Variants in PRDM14 observed in about 807,000 individuals in gnomAD.
PRDM14 encodes PR/SET domain 14, also known as PR domain zinc finger protein 14.
PRDM14 carries 16 observed loss-of-function variants against 48.0 expected under a neutral mutation model. That is an observed-to-expected ratio of 0.33 (90% confidence interval 0.23 to 0.51). The LOEUF (loss-of-function observed/expected upper bound fraction) is 0.51. PRDM14 is among the 20% of genes least tolerant of loss of function. The pLI is 0.97. For synonymous variants in PRDM14, 264 were observed against 276.6 expected (o/e 0.95, Z 0.45); for missense variants, 566 against 719.6 (o/e 0.79, Z 2.44).
chr8:70,070,612 G>A (rs1481304132), intron 1 of PRDM14, among the ~76,000 whole-genome samples: 1 of 152,186 alleles, frequency 6.6e-6, no homozygotes, highest in Non-Finnish European at 1.5e-5. Flanking sequence ...TCCCTCGCGG[G>A]CAGCGTCCGC....
chr8:70,055,409 G>A lies in PRDM14; in HGVS notation c.1387-8C>T. 1 of 1,468,316 alleles carries A rather than the reference G, an allele frequency of 6.8e-7. No individual in the cohort carries two copies. Among genetic ancestry groups the A allele is most frequent in the Non-Finnish European group, 9.5e-7 (1 of 1,049,478 alleles). 91.0% of individuals were successfully genotyped at this position (1,468,316 alleles called of 1,614,324 possible). A position where few individuals can be genotyped will look rare whatever the true frequency, so the allele number is the denominator to read the frequency against. On this transcript the variant is annotated splice_polypyrimidine_tract_variant and splice_region_variant and intron_variant, in intron 6 of 7. Transcript: ENST00000276594. ...TTTCCCACATGTAGAACACTAAGGT[G>A]AAAAAGAAAAATATAGTTGAAATCA...
chr8:70,057,726 A>G (rs66783074), intron 6 of PRDM14, among the ~76,000 whole-genome samples: 55,059 of 152,064 alleles, frequency 0.36, 10,438 homozygotes, highest in East Asian at 0.48. Context: ...CACTTTTGCC[A>G]GTCTAATAAG....
intron 5 of PRDM14, among the ~76,000 whole-genome samples, chr8:70,061,510 G>A (rs942103500): frequency 6.6e-6 from 1 of 152,146 alleles, no homozygotes; most frequent in African/African-American, 2.4e-5. Context: ...CCATCGCCCT[G>A]CTCTGTCTAT....
rs369081168 is a variant in PRDM14 at position 70,069,743 on chromosome 8, T to C, written c.118A>G (p.Arg40Gly). The C allele has an allele frequency of 2.5e-6, 4 of 1,603,914 alleles. No individual in the cohort carries two copies. The highest frequency in any genetic ancestry group is 3.4e-6 in the Non-Finnish European group (4 of 1,175,662). Reference protein sequence around the residue: ...YTPFPSYGHYRNSLATVEEDF... With the variant: ...YTPFPSYGHYGNSLATVEEDF... The stretch of plus-strand genomic sequence containing the variant: ...TCCTCCACGGTGGCCAGGCTGTTTC[T>C]GTAGTGTCCATAGGACGGGAAAGGC... The change falls in exon 2 of 8, where the codon AGA (arginine) becomes GGA (glycine). Residue 40 changes from arginine to glycine, a missense_variant. This residue lies in a region of PRDM14 where 410 missense variants were observed against 424.6 expected (regional missense o/e 0.97). Coordinates refer to ENST00000276594, the MANE Select transcript of PRDM14 (RefSeq NM_024504.4).
intron 2 of PRDM14, 96 bp downstream of exon 2, chr8:70,069,065 C>T: frequency 1.0e-6 from 1 of 989,754 alleles, no homozygotes; most frequent in Non-Finnish European, 1.5e-6. Context: ...CACTCTGCAG[C>T]CTCAGCTCCA....
Position 70,066,224 on chromosome 8 carries a change from T to C in PRDM14, c.1183+11A>G, listed in dbSNP as rs7841485. On this transcript the variant is annotated intron_variant, in intron 5 of 7. Coordinates refer to ENST00000276594, the MANE Select transcript of PRDM14 (RefSeq NM_024504.4). ...ATGCCCTCATTGGGCAAGGCGAGGG[T>C]GTGCACTCACCTTCAGAGGGCCCAG... The C allele has an allele frequency of 6.3e-3, 10,156 of 1,611,948 alleles. 543 individuals are homozygous for C. The African/African-American group carries it at 0.12, about 19-fold the overall frequency.
intron 5 of PRDM14, among the ~76,000 whole-genome samples, chr8:70,059,888 G>C (rs1053336782): frequency 1.3e-5 from 2 of 151,868 alleles, no homozygotes; most frequent in African/African-American, 4.8e-5. Flanking sequence ...GAGGTCAGGG[G>C]TTCAAAACCA....
At chr8:70,070,464 CCCCCGGGCAGGTCCAGGGA>C (rs960252566) in intron 1 of PRDM14, among the ~76,000 whole-genome samples, 12 of 152,150 alleles carry the variant, frequency 7.9e-5, no homozygotes, top group Non-Finnish European at 1.5e-4. Context: ...GCTCCCAGAG[CCCCCGGGCAGGTCCAGGGA>C]CCCCGCGACC....
intron 7 of PRDM14, among the ~76,000 whole-genome samples, chr8:70,053,637 A>G (rs1016094722): frequency 2.6e-5 from 4 of 152,056 alleles, no homozygotes; most frequent in African/African-American, 9.7e-5. Flanking sequence ...TGATCCACCC[A>G]CCTTGGCCTC....
At position 70,058,836 on chromosome 8, in the gene PRDM14, G is replaced by A; in HGVS notation, c.1190C>T (p.Ala397Val). 1 of 1,613,038 alleles carries A rather than the reference G, an allele frequency of 6.2e-7. No individual in the cohort carries two copies. Among genetic ancestry groups the A allele is most frequent in the Non-Finnish European group, 8.5e-7 (1 of 1,179,082 alleles). The change falls in exon 6 of 8, where the codon GCA (alanine) becomes GTA (valine). Residue 397 changes from alanine to valine, a missense_variant. Transcript: ENST00000276594. Reference protein sequence around the residue: ...KQPSGPSEESAEGYRCERCGK... With the variant: ...KQPSGPSEESVEGYRCERCGK... ...ACATCTTTCACATCTGTAGCCTTCT[G>A]CAGACTCTGTCAAACACAGCAAACA...
chr8:70,069,961 C>A, intron 1 of PRDM14, 77 bp from the exon 2 acceptor site: 1 of 821,572 alleles, frequency 1.2e-6, no homozygotes, highest in Non-Finnish European at 1.9e-6. Context: ...CCACCAGCCT[C>A]CTCCACCCCA....
At chr8:70,069,948 TC>T in intron 1 of PRDM14, 64 bp from the exon 2 acceptor site, 1 of 994,748 alleles carries the variant, frequency 1.0e-6, no homozygotes, top group Non-Finnish European at 1.4e-6. Context: ...GACCCGCGCC[TC>T]CCCACCAGCC....
intron 5 of PRDM14, among the ~76,000 whole-genome samples, chr8:70,064,097 G>T (rs1423102201): frequency 6.6e-6 from 1 of 152,136 alleles, no homozygotes; most frequent in Non-Finnish European, 1.5e-5. Flanking sequence ...TGATGGTTCA[G>T]TGGCGGGGGG....
At chr8:70,064,807 G>C (rs1176967052) in intron 5 of PRDM14, among the ~76,000 whole-genome samples, 1 of 150,018 alleles carries the variant, frequency 6.7e-6, no homozygotes, top group Non-Finnish European at 1.5e-5. Flanking sequence ...TACAGGCGTG[G>C]GCCACCACGC....
chr8:70,066,574 T>A, intron 4 of PRDM14, 69 bp from the exon 5 acceptor site: 2 of 1,251,594 alleles, frequency 1.6e-6, no homozygotes, highest in Non-Finnish European at 2.2e-6. Flanking sequence ...ATAAATTTTT[T>A]AATACTTGTA....
chr8:70,064,945 G>A (rs180919932), intron 5 of PRDM14, among the ~76,000 whole-genome samples: 2 of 150,546 alleles, frequency 1.3e-5, no homozygotes, highest in African/African-American at 4.9e-5. Context: ...GGAGTGCAGT[G>A]GTGCGGTCTT....
chr8:70,052,404 T>A, intron 7 of PRDM14, 100 bp from the exon 8 acceptor site: 1 of 939,602 alleles, frequency 1.1e-6, no homozygotes, highest in South Asian at 1.6e-5. Context: ...CTCATCCTTA[T>A]GGACGAACCT....
At chr8:70,070,784 G>C (rs1308875578) in intron 1 of PRDM14, among the ~76,000 whole-genome samples, 3 of 152,220 alleles carry the variant, frequency 2.0e-5, no homozygotes, top group African/African-American at 7.2e-5. Context: ...AAAGGATGGC[G>C]TTTTAATAGA....
At chr8:70,068,773 A>G (rs1466115861) in intron 2 of PRDM14, among the ~76,000 whole-genome samples, 1 of 152,240 alleles carries the variant, frequency 6.6e-6, no homozygotes, top group East Asian at 1.9e-4. Flanking sequence ...TTATGTAATT[A>G]ACCCCATTAG....
Sources: gnomAD v4.1 joint callset for allele counts (sites outside exome capture counted in the v4.1 genomes callset) on GRCh38, gnomAD v4.1.1 for gene constraint, gnomAD v4.1.1 regional missense constraint, MANE v1.5 for transcripts, NCBI Gene and HGNC (gene_info 2026-07-23, HGNC 2026-07-21) for gene names.